PRR5L: variants seen among roughly 807,000 people sequenced by gnomAD.
PRR5L encodes proline-rich protein 5-like.
PRR5L carries 21 observed loss-of-function variants against 36.4 expected under a neutral mutation model. The observed-to-expected ratio is 0.58, with a 90% confidence interval of 0.41 to 0.83. The LOEUF (loss-of-function observed/expected upper bound fraction) is 0.83. PRR5L is among the 40% of genes least tolerant of loss of function. The pLI is 0.00. For missense variants in PRR5L, 381 were observed against 473.3 expected, an observed-to-expected ratio of 0.80 and a Z score of 1.81; for synonymous variants, 188 against 197.0, an observed-to-expected ratio of 0.95 and a Z score of 0.38.
intron 1 of PRR5L, among the ~76,000 whole-genome samples, chr11:36,367,238 T>C (rs758055135): frequency 5.3e-5 from 8 of 152,198 alleles, no homozygotes. Context: ...AAATTGGGAA[T>C]AGAATAAAAT....
chr11:36,312,296 T>C (rs1474042207), intron 1 of PRR5L, among the ~76,000 whole-genome samples: 1 of 152,116 alleles, frequency 6.6e-6, no homozygotes, highest in Non-Finnish European at 1.5e-5. Flanking sequence ...TATCTGACCA[T>C]GACTTTGGGA....
chr11:36,343,797 T>C (rs1453950034), intron 1 of PRR5L, among the ~76,000 whole-genome samples: 2 of 152,222 alleles, frequency 1.3e-5, no homozygotes, highest in African/African-American at 2.4e-5. Flanking sequence ...AGGAAACAGG[T>C]CTGGAAAGCT....
Position 36,389,086 on chromosome 11 carries a change from C to T in PRR5L, c.-125-11911C>T, listed in dbSNP as rs1327618186. On this transcript the variant is annotated intron_variant, in intron 1 of 8. Transcript: ENST00000530639. ...ATGGCCAGTTCCCTGTTGGTGAGCACTTATTTCCAGCTCATTGTTGTTATA... is the reference window on the plus strand; with the variant it reads ...ATGGCCAGTTCCCTGTTGGTGAGCATTTATTTCCAGCTCATTGTTGTTATA... 1.6e-4 allele frequency among the ~76,000 whole-genome samples: 24 copies of T among 152,144 alleles called. 1 individual carries two copies. The highest frequency in any genetic ancestry group is 1.6e-3 in the Admixed American group (24 of 15,274).
chr11:36,389,248 A>G (rs1038745989), intron 1 of PRR5L, among the ~76,000 whole-genome samples: 3 of 152,164 alleles, frequency 2.0e-5, no homozygotes, highest in African/African-American at 7.2e-5. Flanking sequence ...CTTCCACAGC[A>G]GTCAATTCAG....
chr11:36,323,163 T>A (rs762304150), intron 1 of PRR5L, among the ~76,000 whole-genome samples: 21 of 152,086 alleles, frequency 1.4e-4, no homozygotes, highest in Non-Finnish European at 2.2e-4. Flanking sequence ...GGATAGAAGT[T>A]GTCAGAAGCT....
At chr11:36,395,304 G>A (rs967242134) in intron 1 of PRR5L, among the ~76,000 whole-genome samples, 11 of 152,220 alleles carry the variant, frequency 7.2e-5, no homozygotes, top group Non-Finnish European at 5.9e-5. Flanking sequence ...ATGGGAAGAT[G>A]GCCATGACGT....
intron 1 of PRR5L, among the ~76,000 whole-genome samples, chr11:36,332,925 A>T (rs983340505): frequency 6.6e-6 from 1 of 152,124 alleles, no homozygotes; most frequent in African/African-American, 2.4e-5. Context: ...TAAATTACCC[A>T]GTCTTGGGTG....
intron 1 of PRR5L, among the ~76,000 whole-genome samples, chr11:36,345,834 G>C (rs577789036): frequency 6.6e-6 from 1 of 152,328 alleles, no homozygotes; most frequent in South Asian, 2.1e-4. Context: ...GCTGGGAAGC[G>C]TCTAGGTGAG....
intron 1 of PRR5L, among the ~76,000 whole-genome samples, chr11:36,368,553 A>G (rs565332963): frequency 3.8e-4 from 58 of 152,316 alleles, no homozygotes; most frequent in Middle Eastern, 3.4e-3. Flanking sequence ...ACAGCTCAAA[A>G]CTATTTTCAT....
At chr11:36,387,195 A>G (rs1565434562) in intron 1 of PRR5L, among the ~76,000 whole-genome samples, 1 of 151,464 alleles carries the variant, frequency 6.6e-6, no homozygotes, top group Non-Finnish European at 1.5e-5. Context: ...GCATGTTCTC[A>G]TTCATAGGTG....
At chr11:36,364,732 G>T (rs330258) in intron 1 of PRR5L, among the ~76,000 whole-genome samples, 135,257 of 152,186 alleles carry the variant, frequency 0.89, 61,420 homozygotes, top group Non-Finnish European at 0.98. Context: ...CTAGAGGCTG[G>T]CTGTGTGTTA....
At chr11:36,304,832 A>C (rs1004153124) in intron 1 of PRR5L, among the ~76,000 whole-genome samples, 1 of 152,192 alleles carries the variant, frequency 6.6e-6, no homozygotes, top group Non-Finnish European at 1.5e-5. Flanking sequence ...GATGAGACGC[A>C]CTTTACACTC....
intron 8 of PRR5L, among the ~76,000 whole-genome samples, chr11:36,455,886 G>T (rs538728350): frequency 3.3e-5 from 5 of 152,188 alleles, no homozygotes; most frequent in Non-Finnish European, 5.9e-5. Context: ...CTGTCTGCCC[G>T]GGGGACTCAA....
chr11:36,305,889 A>G (rs959615609), intron 1 of PRR5L, among the ~76,000 whole-genome samples: 3 of 152,218 alleles, frequency 2.0e-5, no homozygotes, highest in Admixed American at 2.0e-4. Context: ...CTGAGTTAGT[A>G]TATGAATTAT....
At chr11:36,315,226 T>C (rs1389238983) in intron 1 of PRR5L, among the ~76,000 whole-genome samples, 4 of 152,142 alleles carry the variant, frequency 2.6e-5, no homozygotes, top group Non-Finnish European at 5.9e-5. Flanking sequence ...GTCGGGGAGA[T>C]GAAATGAGAT....
chr11:36,459,839 C>T (rs1438853753), intron 8 of PRR5L, among the ~76,000 whole-genome samples: 2 of 152,224 alleles, frequency 1.3e-5, no homozygotes, highest in Non-Finnish European at 2.9e-5. Flanking sequence ...GTCCTTTACC[C>T]CATCTTCATT....
chr11:36,321,249 C>G (rs1425069570), intron 1 of PRR5L: 1 of 152,212 alleles, frequency 6.6e-6, no homozygotes, highest in African/African-American at 2.4e-5. Flanking sequence ...TTCCTCTCTG[C>G]ACTCTGCCTT....
chr11:36,397,844 A>G (rs956535763), intron 1 of PRR5L, among the ~76,000 whole-genome samples: 89 of 150,814 alleles, frequency 5.9e-4, no homozygotes, highest in African/African-American at 2.1e-3. Context: ...TGCCCAGGCT[A>G]TAGTGCAATG....
intron 1 of PRR5L, among the ~76,000 whole-genome samples, chr11:36,331,798 C>T (rs1565393317): frequency 6.6e-6 from 1 of 152,118 alleles, no homozygotes; most frequent in African/African-American, 2.4e-5. Flanking sequence ...TGTATATCCA[C>T]GAGTTCATAG....
Sources: allele counts gnomAD v4.1 joint callset (sites outside exome capture counted in the v4.1 genomes callset), GRCh38; gene constraint gnomAD v4.1.1; transcripts MANE v1.5; gene names NCBI Gene and HGNC (gene_info 2026-07-23, HGNC 2026-07-21).